Variants in NXPE2 observed in about 807,000 individuals in gnomAD.
NXPE2 encodes neurexophilin and PC-esterase domain family member 2, also known as NXPE family member 2.
A neutral mutation model predicts 34.4 loss-of-function variants in NXPE2; 34 were observed. The observed-to-expected ratio is 0.99, with a 90% CI of 0.75 to 1.31. The LOEUF is 1.31. Among genes scored for constraint, NXPE2 ranks in the 40% most tolerant of loss-of-function variants. The pLI, the probability that NXPE2 is intolerant of heterozygous loss-of-function variation, is 0.00. For missense variants in NXPE2, 649 were observed against 672.5 expected, an observed-to-expected ratio of 0.97 and a Z score of 0.39; for synonymous variants, 235 against 231.3, an observed-to-expected ratio of 1.02 and a Z score of -0.15.
chr11:114,485,383 CT>C, the NXPE2 span, among the ~76,000 whole-genome samples: 4,743 of 89,148 alleles, frequency 0.053, 135 homozygotes, highest in Middle Eastern at 0.1. Flanking sequence ...TAATTTTTGT[CT>C]TTTTTTTTTT....
At chr11:114,810,513 A>G in the NXPE2 span, among the ~76,000 whole-genome samples, 1 of 151,888 alleles carries the variant, frequency 6.6e-6, no homozygotes, top group African/African-American at 2.4e-5. Context: ...CAACCCCATC[A>G]AAGAGTGGGC....
chr11:114,644,248 C>T, the NXPE2 span, among the ~76,000 whole-genome samples: 2 of 152,128 alleles, frequency 1.3e-5, no homozygotes, highest in African/African-American at 4.8e-5. Flanking sequence ...ACCTTTATTT[C>T]TTTCTCTTGC....
At chr11:114,651,282 C>T in the NXPE2 span, among the ~76,000 whole-genome samples, 5 of 151,906 alleles carry the variant, frequency 3.3e-5, no homozygotes, top group East Asian at 1.9e-4. Flanking sequence ...GCGGTGGGTT[C>T]GTGGTCTCGC....
chr11:114,766,899 G>A, the NXPE2 span, among the ~76,000 whole-genome samples: 13 of 152,156 alleles, frequency 8.5e-5, no homozygotes, highest in East Asian at 2.3e-3. Flanking sequence ...GAGTTGATTA[G>A]TTGATTTCTC....
the NXPE2 span, chr11:114,583,547 G>A: frequency 3.3e-6 from 2 of 602,564 alleles, no homozygotes; most frequent in Non-Finnish European, 6.6e-6. Context: ...CGTTAGTGAG[G>A]ACTGTCCAGC....
the NXPE2 span, among the ~76,000 whole-genome samples, chr11:114,813,192 A>G: frequency 3.9e-4 from 59 of 152,342 alleles, 1 homozygote; most frequent in South Asian, 0.011. Flanking sequence ...AGTGGTTATA[A>G]TCAAAAAGGT....
At chr11:114,530,369 G>A in the NXPE2 span, 7 of 1,614,146 alleles carry the variant, frequency 4.3e-6, no homozygotes, top group Admixed American at 1.2e-4. Context: ...AGACATGAGA[G>A]GTGCCATTAA....
chr11:114,620,886 C>G, the NXPE2 span, among the ~76,000 whole-genome samples: 1 of 152,124 alleles, frequency 6.6e-6, no homozygotes, highest in African/African-American at 2.4e-5. Flanking sequence ...AGTATTGCCT[C>G]ACGGGTAACC....
At chr11:114,682,613 A>T (rs1401295226) in intron 2 of NXPE2, among the ~76,000 whole-genome samples, 1 of 152,200 alleles carries the variant, frequency 6.6e-6, no homozygotes, top group Non-Finnish European at 1.5e-5. Context: ...GATGCAAGGA[A>T]GTAATAACGT....
At chr11:114,807,533 G>A in the NXPE2 span, among the ~76,000 whole-genome samples, 15 of 151,508 alleles carry the variant, frequency 9.9e-5, no homozygotes, top group African/African-American at 2.4e-4. Flanking sequence ...AAAGGCAGGG[G>A]TTGCAATCCT....
the NXPE2 span, among the ~76,000 whole-genome samples, chr11:114,641,604 G>C: frequency 6.6e-6 from 1 of 152,008 alleles, no homozygotes; most frequent in African/African-American, 2.4e-5. Context: ...AGAATAGGAA[G>C]AGAATAGCAC....
the NXPE2 span, among the ~76,000 whole-genome samples, chr11:114,763,690 T>TC: frequency 8.5e-5 from 13 of 152,196 alleles, no homozygotes; most frequent in African/African-American, 3.1e-4. Context: ...AAATATTCCA[T>TC]CACCAGTGCC....
the NXPE2 span, among the ~76,000 whole-genome samples, chr11:114,489,368 T>A: frequency 1.3e-5 from 2 of 152,176 alleles, no homozygotes; most frequent in African/African-American, 4.8e-5. Context: ...GAGGCCAGCA[T>A]CATCCTGATA....
chr11:114,506,603 GA>G, the NXPE2 span, among the ~76,000 whole-genome samples: 1 of 152,148 alleles, frequency 6.6e-6, no homozygotes. Context: ...CAATTACATG[GA>G]AATTGAATAA....
chr11:114,653,479 G>GTAC, the NXPE2 span, among the ~76,000 whole-genome samples: 1 of 147,296 alleles, frequency 6.8e-6, no homozygotes, highest in Non-Finnish European at 1.5e-5. Flanking sequence ...TTGGGTGCTT[G>GTAC]TACTCCGTAT....
chr11:114,506,595 A>G, the NXPE2 span, among the ~76,000 whole-genome samples: 1 of 152,222 alleles, frequency 6.6e-6, no homozygotes, highest in Non-Finnish European at 1.5e-5. Flanking sequence ...CAACTATACA[A>G]TTACATGGAA....
the NXPE2 span, among the ~76,000 whole-genome samples, chr11:114,810,888 C>T: frequency 2.0e-5 from 3 of 152,078 alleles, no homozygotes; most frequent in Non-Finnish European, 4.4e-5. Context: ...CACATGCACA[C>T]ATATGTTTAT....
At chr11:114,600,636 G>A in the NXPE2 span, among the ~76,000 whole-genome samples, 7 of 152,032 alleles carry the variant, frequency 4.6e-5, no homozygotes, top group African/African-American at 1.7e-4. Flanking sequence ...AAGGAGACAT[G>A]ATGACTAAAT....
the NXPE2 span, among the ~76,000 whole-genome samples, chr11:114,520,238 C>T: frequency 6.6e-6 from 1 of 152,120 alleles, no homozygotes; most frequent in African/African-American, 2.4e-5. Flanking sequence ...CAAGTTTGTA[C>T]CCTTTGACCT....
Sources: gnomAD v4.1 joint callset for allele counts (sites outside exome capture counted in the v4.1 genomes callset) on GRCh38, gnomAD v4.1.1 for gene constraint, MANE v1.5 for transcripts, NCBI Gene and HGNC (gene_info 2026-07-23, HGNC 2026-07-21) for gene names.